Variants in SPOCK1 observed in about 807,000 individuals in gnomAD.
The protein encoded by SPOCK1 is testican-1.
Under a neutral mutation model 55.3 loss-of-function variants are expected in SPOCK1, and 23 were observed. The observed-to-expected ratio is 0.42, with a 90% CI of 0.30 to 0.59. The LOEUF (loss-of-function observed/expected upper bound fraction) is 0.59. SPOCK1 is among the 20% of genes least tolerant of loss of function. The pLI is 0.22. For missense variants in SPOCK1, 499 were observed against 552.5 expected, an observed-to-expected ratio of 0.90 and a Z score of 0.97; for synonymous variants, 226 against 221.0, an observed-to-expected ratio of 1.02 and a Z score of -0.20.
At chr5:137,317,691 C>T (rs1757904774) in intron 2 of SPOCK1, among the ~76,000 whole-genome samples, 1 of 152,202 alleles carries the variant, frequency 6.6e-6, no homozygotes, top group Admixed American at 6.5e-5. Context: ...GAAGAAAAGT[C>T]TGGCATTCAC....
At chr5:137,162,131 C>CTT (rs566233599) in intron 3 of SPOCK1, among the ~76,000 whole-genome samples, 107 of 131,788 alleles carry the variant, frequency 8.1e-4, no homozygotes, top group East Asian at 4.4e-3. Flanking sequence ...CTAATGCTTT[C>CTT]TTTTTTTTTT....
At chr5:137,167,788 C>T (rs1754676768) in intron 3 of SPOCK1, among the ~76,000 whole-genome samples, 1 of 151,810 alleles carries the variant, frequency 6.6e-6, no homozygotes, top group Non-Finnish European at 1.5e-5. Context: ...ATGCAACATA[C>T]CTATACCTAT....
rs376396276 is a variant in SPOCK1, at chr5:137,055,441, A to C, written c.589+12274T>G. Among the ~76,000 whole-genome samples, 5 of 152,354 alleles carry C rather than the reference A, an allele frequency of 3.3e-5. No individual in the cohort carries two copies. In the East Asian group the frequency reaches 9.6e-4, roughly 29 times the overall value. ...GCTCAGAGGCCTTGAGAAGCAAGGT[A>C]CACGAAGTAACAGATCTGTGTTATT... On this transcript the variant is annotated intron_variant, in intron 6 of 10. Coordinates refer to ENST00000394945, the MANE Select transcript of SPOCK1 (RefSeq NM_004598.4).
intron 4 of SPOCK1, among the ~76,000 whole-genome samples, chr5:137,113,443 C>T (rs893051153): frequency 1.3e-5 from 2 of 152,162 alleles, no homozygotes; most frequent in Non-Finnish European, 2.9e-5. Context: ...ATTACTGTGC[C>T]TTTGAAATGT....
At chr5:137,126,303 T>G (rs1027212376) in intron 4 of SPOCK1, among the ~76,000 whole-genome samples, 1 of 152,244 alleles carries the variant, frequency 6.6e-6, no homozygotes, top group African/African-American at 2.4e-5. Context: ...CAGAAGCAGA[T>G]GCTGCACCAT....
chr5:137,082,870 C>A (rs1342619423), intron 5 of SPOCK1, among the ~76,000 whole-genome samples: 2 of 152,172 alleles, frequency 1.3e-5, no homozygotes, highest in East Asian at 1.9e-4. Flanking sequence ...AGTCTCCTCC[C>A]CCTCCTACTA....
chr5:137,338,092 ATGTGCCATGTTGG>A (rs1199421504), intron 2 of SPOCK1, among the ~76,000 whole-genome samples: 1 of 152,158 alleles, frequency 6.6e-6, no homozygotes, highest in African/African-American at 2.4e-5. Context: ...ATATGTATAC[ATGTGCCATGTTGG>A]TGTGCTGCAC....
At chr5:137,207,161 C>G (rs771443649) in intron 3 of SPOCK1, among the ~76,000 whole-genome samples, 16 of 152,226 alleles carry the variant, frequency 1.1e-4, no homozygotes, top group Non-Finnish European at 1.5e-4. Flanking sequence ...TATCCAGGTA[C>G]AGAACCCCGA....
chr5:137,327,914 G>A (rs1182444922), intron 2 of SPOCK1, among the ~76,000 whole-genome samples: 2 of 152,144 alleles, frequency 1.3e-5, no homozygotes, highest in Non-Finnish European at 2.9e-5. Flanking sequence ...AAAAGCCACA[G>A]CAAGGGGAAA....
chr5:136,983,490 A>C (rs929422389), intron 9 of SPOCK1, among the ~76,000 whole-genome samples: 4 of 152,154 alleles, frequency 2.6e-5, no homozygotes, highest in African/African-American at 9.7e-5. Flanking sequence ...ATCAGTTTTC[A>C]AAGAACAGTA....
At chr5:137,441,783 A>C (rs558854164) in intron 2 of SPOCK1, among the ~76,000 whole-genome samples, 1 of 152,312 alleles carries the variant, frequency 6.6e-6, no homozygotes, top group East Asian at 1.9e-4. Flanking sequence ...TAAGCAAGAG[A>C]TCTCAAACAA....
At position 136,978,720 on chromosome 5, in the gene SPOCK1, T is replaced by C. The variant is rs1018403632; in HGVS notation, c.1254A>G (p.Arg418=). ...CATCCTCATCATCCTCTGTCACGGC[T>C]CGGGTGTGCACCCTCAGCTTCCCCT... ...DKEGKLRVHT[R]AVTEDDEDED... is the part of the protein sequence containing the mutation. The change falls in exon 11 of 11, where the codon CGA becomes CGG. Residue 418 remains arginine, a synonymous_variant. Coordinates refer to ENST00000394945, the MANE Select transcript of SPOCK1 (RefSeq NM_004598.4). 4.3e-6 allele frequency: 7 copies of C among 1,614,122 alleles called. No homozygotes were observed. The highest frequency in any genetic ancestry group is 5.9e-6 in the Non-Finnish European group (7 of 1,179,998).
At chr5:137,330,199 G>A (rs1228257756) in intron 2 of SPOCK1, among the ~76,000 whole-genome samples, 1 of 152,146 alleles carries the variant, frequency 6.6e-6, no homozygotes, top group Non-Finnish European at 1.5e-5. Flanking sequence ...TCTCCACTCA[G>A]TACCTTTGGC....
intron 2 of SPOCK1, among the ~76,000 whole-genome samples, chr5:137,270,980 C>A (rs1402525879): frequency 6.6e-6 from 1 of 150,816 alleles, no homozygotes; most frequent in African/African-American, 2.5e-5. Flanking sequence ...CCAGCCTGGA[C>A]AAGACGGAGC....
intron 3 of SPOCK1, among the ~76,000 whole-genome samples, chr5:137,227,682 G>A (rs1755970795): frequency 6.6e-6 from 1 of 152,216 alleles, no homozygotes; most frequent in African/African-American, 2.4e-5. Context: ...AACTCTCTTA[G>A]AAGAAAGGTC....
chr5:137,071,133 C>T (rs1168665346), intron 5 of SPOCK1, among the ~76,000 whole-genome samples: 1 of 151,512 alleles, frequency 6.6e-6, no homozygotes, highest in Non-Finnish European at 1.5e-5. Context: ...AGCAATTCTC[C>T]TGCCTCAGCC....
intron 8 of SPOCK1, among the ~76,000 whole-genome samples, chr5:136,986,353 A>AG (rs1387910718): frequency 1.3e-5 from 2 of 152,146 alleles, no homozygotes; most frequent in African/African-American, 4.8e-5. Flanking sequence ...CTGTGTTGTA[A>AG]GGAAACCATG....
chr5:137,274,777 A>T (rs1398011022), intron 2 of SPOCK1, among the ~76,000 whole-genome samples: 1 of 152,220 alleles, frequency 6.6e-6, no homozygotes, highest in Non-Finnish European at 1.5e-5. Flanking sequence ...ATGAAGAGAG[A>T]TTTTTAAAAA....
chr5:137,406,617 TGCCAG>T (rs1752105120), intron 2 of SPOCK1, among the ~76,000 whole-genome samples: 1 of 152,336 alleles, frequency 6.6e-6, no homozygotes, highest in East Asian at 1.9e-4. Flanking sequence ...ACTGACTACA[TGCCAG>T]GCACTGTAAT....
Sources: gnomAD v4.1 joint callset for allele counts (sites outside exome capture counted in the v4.1 genomes callset) on GRCh38, gnomAD v4.1.1 for gene constraint, MANE v1.5 for transcripts, NCBI Gene and HGNC (gene_info 2026-07-23, HGNC 2026-07-21) for gene names.